ITGA11: variants seen among roughly 807,000 people sequenced by gnomAD.
ITGA11 encodes the protein integrin alpha-11.
Under a neutral mutation model 141.9 loss-of-function variants are expected in ITGA11, and 97 were observed. That is an observed-to-expected ratio of 0.68 (90% confidence interval 0.58 to 0.81). The LOEUF (loss-of-function observed/expected upper bound fraction) is 0.81, where lower values mean the gene tolerates loss of function less well. Among genes scored for constraint, ITGA11 ranks in the 30% least tolerant of loss-of-function variants. ITGA11 has a pLI of 0.00. For missense variants in ITGA11, 1,387 were observed against 1,559.2 expected, an observed-to-expected ratio of 0.89 and a Z score of 1.86; for synonymous variants, 658 against 624.6, an observed-to-expected ratio of 1.05 and a Z score of -0.80.
At position 68,385,432 on chromosome 15, in the gene ITGA11, T is replaced by A. The variant is rs112382225; in HGVS notation, c.165-16148A>T. ...CACTCTTGGGCCTAGGCTCCACGGC[T>A]GGTTTTGTGGATTTACTCTTCAGGG... On this transcript the variant is annotated intron_variant, in intron 2 of 29. Coordinates refer to ENST00000315757, the MANE Select transcript of ITGA11 (RefSeq NM_001004439.2). Among the ~76,000 whole-genome samples the A allele has an allele frequency of 7.5e-3, 1,146 of 152,344 alleles. 17 individuals are homozygous for A. Among genetic ancestry groups the A allele is most frequent in the African/African-American group, 0.024 (985 of 41,576 alleles).
At chr15:68,337,269 G>A (rs1894390894) in intron 11 of ITGA11, among the ~76,000 whole-genome samples, 1 of 152,134 alleles carries the variant, frequency 6.6e-6, no homozygotes, top group Non-Finnish European at 1.5e-5. Flanking sequence ...AGCACCTTTG[G>A]TACCCAGGCA....
At chr15:68,411,865 C>A (rs1266722502) in intron 1 of ITGA11, among the ~76,000 whole-genome samples, 1 of 152,096 alleles carries the variant, frequency 6.6e-6, no homozygotes, top group Non-Finnish European at 1.5e-5. Context: ...CTGGCAGCAA[C>A]ATGAGACGGC....
chr15:68,380,660 A>C (rs1393017552), intron 2 of ITGA11, among the ~76,000 whole-genome samples: 1 of 152,180 alleles, frequency 6.6e-6, no homozygotes, highest in Non-Finnish European at 1.5e-5. Context: ...ACTCAGGTGA[A>C]AAAGGGCTGG....
Position 68,328,348 on chromosome 15 carries a change from C to G in ITGA11, c.1902-86G>C, listed in dbSNP as rs892129021. 5 of 1,204,828 alleles carry G rather than the reference C, an allele frequency of 4.1e-6. No homozygotes were observed. The highest frequency in any genetic ancestry group is 5.2e-5 in the East Asian group (2 of 38,656). The allele number at this position is 1,204,828 out of a possible 1,614,324, so 74.6% of individuals were successfully genotyped here. A position where few individuals can be genotyped will look rare whatever the true frequency, so the allele number is the denominator to read the frequency against. On this transcript the variant is annotated intron_variant, in intron 15 of 29. Coordinates refer to ENST00000315757, the MANE Select transcript of ITGA11 (RefSeq NM_001004439.2). This position sits in a 1 kb window ranked among gnomAD's most constrained non-coding sequence, Gnocchi z 4.8. ...CATGGGGAAAGACAAGAACCAGATG[C>G]GAGTGGGATCTGCAAAGCCACTGGA...
At chr15:68,393,604 C>T (rs1387339082) in intron 2 of ITGA11, among the ~76,000 whole-genome samples, 2 of 152,150 alleles carry the variant, frequency 1.3e-5, no homozygotes, top group East Asian at 3.9e-4. Context: ...AGAAATACTT[C>T]AAAAATTAAG....
rs768090823 is a variant in ITGA11 at position 68,325,109 on chromosome 15, C to T, written c.2322+22G>A. The T allele has an allele frequency of 1.9e-5, 30 of 1,573,790 alleles. No homozygotes were observed. Among genetic ancestry groups the T allele is most frequent in the Non-Finnish European group, 2.4e-5 (28 of 1,143,432 alleles). The stretch of plus-strand genomic sequence containing the variant: ...GGGGGTGGGGTTCATGCCCGAGGTG[C>T]GTGCCCTGTACCGAGATGTACCGAG... On this transcript the variant is annotated intron_variant, in intron 18 of 29. Transcript: ENST00000315757. This position sits in a 1 kb window ranked among gnomAD's most constrained non-coding sequence, Gnocchi z 5.5.
intron 19 of ITGA11, among the ~76,000 whole-genome samples, chr15:68,320,919 T>C (rs993006518): frequency 2.0e-5 from 3 of 152,192 alleles, no homozygotes; most frequent in Non-Finnish European, 2.9e-5. Flanking sequence ...ATTAAGAATA[T>C]GATATTGTTC....
intron 11 of ITGA11, among the ~76,000 whole-genome samples, chr15:68,338,246 G>C (rs16951816): frequency 0.031 from 4,674 of 152,340 alleles, 102 homozygotes; most frequent in Middle Eastern, 0.075. Flanking sequence ...CCCAGTGTTT[G>C]AGCATTTGCC....
At chr15:68,337,533 G>A (rs935759685) in intron 11 of ITGA11, among the ~76,000 whole-genome samples, 2 of 152,232 alleles carry the variant, frequency 1.3e-5, no homozygotes, top group Admixed American at 6.5e-5. Flanking sequence ...GGAGGAGGAG[G>A]AGAAAAGGCA....
chr15:68,421,730 T>C (rs1694560190), intron 1 of ITGA11, among the ~76,000 whole-genome samples: 1 of 147,742 alleles, frequency 6.8e-6, no homozygotes, highest in East Asian at 2.1e-4. Flanking sequence ...AGGGGCTGGG[T>C]TTCAGATGGG....
intron 22 of ITGA11, among the ~76,000 whole-genome samples, chr15:68,315,416 T>C (rs551360147): frequency 1.3e-5 from 2 of 152,296 alleles, no homozygotes; most frequent in Admixed American, 6.5e-5. Context: ...CTGACATTAT[T>C]ATTTATCATC....
intron 7 of ITGA11, among the ~76,000 whole-genome samples, chr15:68,355,110 T>C (rs1895029651): frequency 6.6e-6 from 1 of 152,192 alleles, no homozygotes; most frequent in Non-Finnish European, 1.5e-5. Context: ...TTTATCCCTG[T>C]ATGAGTCAGT....
At chr15:68,409,175 C>A (rs547914849) in intron 1 of ITGA11, among the ~76,000 whole-genome samples, 45 of 152,292 alleles carry the variant, frequency 3.0e-4, no homozygotes, top group African/African-American at 1.0e-3. Flanking sequence ...TTTCAAGTCC[C>A]ACCTCTGATG....
chr15:68,411,527 G>A (rs551915454), intron 1 of ITGA11, among the ~76,000 whole-genome samples: 2 of 152,326 alleles, frequency 1.3e-5, no homozygotes, highest in African/African-American at 2.4e-5. Context: ...GATGGGAGCC[G>A]ATGGCCAGAG....
At chr15:68,431,863 G>A (rs893075640) in intron 1 of ITGA11, among the ~76,000 whole-genome samples, 152 bp downstream of exon 1, 69 of 152,370 alleles carry the variant, frequency 4.5e-4, no homozygotes, top group African/African-American at 1.5e-3. Flanking sequence ...CGCTAGACTG[G>A]GGCCAGTCCC....
At chr15:68,347,891 C>T (rs1567138730) in intron 10 of ITGA11, among the ~76,000 whole-genome samples, 1 of 146,914 alleles carries the variant, frequency 6.8e-6, no homozygotes, top group African/African-American at 2.6e-5. Flanking sequence ...TAAGTACACT[C>T]TCATGGTGCC....
In ITGA11 at chr15:68,332,065, G is replaced by C. The variant is rs941373728; in HGVS notation, c.1567-3C>G. The stretch of plus-strand genomic sequence containing the variant: ...GTTCCGTTATAAACAAACAGGTTCT[G>C]CAAAACCAGGGGCAGAAAAAGGCTG... On this transcript the variant is annotated splice_region_variant and splice_polypyrimidine_tract_variant and intron_variant, in intron 13 of 29. Transcript: ENST00000315757. 1 of 1,585,916 alleles carries C rather than the reference G, an allele frequency of 6.3e-7. No homozygotes were observed. The highest frequency in any genetic ancestry group is 1.8e-5 in the Admixed American group (1 of 55,190).
At chr15:68,401,465 A>G (rs1407674293) in intron 2 of ITGA11, among the ~76,000 whole-genome samples, 1 of 152,230 alleles carries the variant, frequency 6.6e-6, no homozygotes, top group Non-Finnish European at 1.5e-5. Flanking sequence ...CAAATACAGT[A>G]AAATAAACAC....
intron 2 of ITGA11, among the ~76,000 whole-genome samples, chr15:68,387,794 C>T (rs1896021823): frequency 6.6e-6 from 1 of 152,140 alleles, no homozygotes; most frequent in African/African-American, 2.4e-5. Flanking sequence ...TACGATGCTG[C>T]ACCCACCTTC....
Sources: gnomAD v4.1 joint callset for allele counts (sites outside exome capture counted in the v4.1 genomes callset) on GRCh38, gnomAD v4.1.1 for gene constraint, Gnocchi (gnomAD v3.1) non-coding constraint, MANE v1.5 for transcripts, NCBI Gene and HGNC (gene_info 2026-07-23, HGNC 2026-07-21) for gene names.